The following GALK2 variants were observed in gnomAD, a reference collection of about 807,000 sequenced individuals.
The protein encoded by GALK2 is galactokinase 2.
In GALK2, 36 loss-of-function variants were observed where a neutral mutation model predicts 52.4. That is an observed-to-expected ratio of 0.69 (90% CI 0.53 to 0.91). The LOEUF (loss-of-function observed/expected upper bound fraction) is 0.91. Among genes scored for constraint, GALK2 ranks in the 40% least tolerant of loss-of-function variants. The pLI is 0.00. For missense variants in GALK2, 579 were observed against 559.1 expected (o/e 1.04, Z -0.36); for synonymous variants, 176 against 199.1 (o/e 0.88, Z 0.98).
intron 5 of GALK2, among the ~76,000 whole-genome samples, chr15:49,250,831 T>G (rs1284738937): frequency 1.3e-5 from 2 of 152,148 alleles, no homozygotes; most frequent in African/African-American, 4.8e-5. Flanking sequence ...GATTTTATAC[T>G]CTTTGTCAAA....
Position 49,213,311 on chromosome 15 carries a change from C to T in GALK2, c.143-3879C>T, listed in dbSNP as rs989705521. 3.9e-5 allele frequency among the ~76,000 whole-genome samples: 6 copies of T among 152,128 alleles called. No homozygotes were observed. The East Asian group carries it at 7.7e-4, about 20-fold the overall frequency. On this transcript the variant is annotated intron_variant, in intron 2 of 9. Transcript: ENST00000560031. ...ATTTATGCATAACTACTCTTGCTCT[C>T]GTTTGGTTTTCATTTGTATGGAGTA...
chr15:49,158,498 T>C (rs1028610615), intron 1 of GALK2, among the ~76,000 whole-genome samples: 9 of 152,244 alleles, frequency 5.9e-5, no homozygotes, highest in Non-Finnish European at 1.2e-4. Context: ...TTTGTCATAA[T>C]GGTAACTAGT....
At chr15:49,366,550 A>C in intron 3 of GALK2, 1 of 1,585,450 alleles carries the variant, frequency 6.3e-7, no homozygotes. Context: ...AATGGGGGTT[A>C]TAAAGCATGC....
In GALK2 at chr15:49,367,626, TAATC is replaced by T. The variant is rs747595528; in HGVS notation, c.*93_*96del. On this transcript the variant is annotated 3_prime_UTR_variant, in exon 4 of 4. Transcript: ENST00000558399. Reference sequence around the variant, plus strand: ...TAGTGCGACTGTAAGAGGAAGAAAATAATCAAGACAACGATTACTTTTGTGTTTC... The same window carrying T: ...TAGTGCGACTGTAAGAGGAAGAAAATAAGACAACGATTACTTTTGTGTTTC... 3.9e-6 allele frequency: 6 copies of T among 1,531,936 alleles called. No individual in the cohort carries two copies. In the East Asian group the frequency reaches 7.6e-5, roughly 19 times the overall value. The allele number at this position is 1,531,936 out of a possible 1,614,324, so 94.9% of individuals were successfully genotyped here.
intron 2 of GALK2, among the ~76,000 whole-genome samples, chr15:49,214,392 G>A (rs142791823): frequency 2.8e-5 from 4 of 144,814 alleles, no homozygotes; most frequent in East Asian, 4.1e-4. Flanking sequence ...ATACAGTGGC[G>A]TGATCTCGGC....
chr15:49,250,076 T>C (rs1464447285), intron 5 of GALK2, among the ~76,000 whole-genome samples: 4 of 152,210 alleles, frequency 2.6e-5, no homozygotes, highest in Non-Finnish European at 4.4e-5. Context: ...CTCCTTTGTT[T>C]GGTGTACTCT....
chr15:49,217,691 G>T (rs554105009), intron 3 of GALK2, among the ~76,000 whole-genome samples: 1 of 152,120 alleles, frequency 6.6e-6, no homozygotes, highest in African/African-American at 2.4e-5. Context: ...TTATTATGCT[G>T]TATTATTATT....
In GALK2 at chr15:49,283,724, A is replaced by T; in HGVS notation, c.756+6A>T. On this transcript the variant is annotated splice_donor_region_variant and intron_variant, in intron 7 of 9. Coordinates refer to ENST00000560031, the MANE Select transcript of GALK2 (RefSeq NM_002044.4). Reference sequence around the variant, plus strand: ...AGTGTCGGCTGGCTGCGAAGGTATGAACTTGGCAGGCTAGTGAAACTTGAA... The same window carrying T: ...AGTGTCGGCTGGCTGCGAAGGTATGTACTTGGCAGGCTAGTGAAACTTGAA... The T allele has an allele frequency of 1.2e-6, 2 of 1,613,430 alleles. No homozygotes were observed. Among genetic ancestry groups the T allele is most frequent in the Non-Finnish European group, 1.7e-6 (2 of 1,179,674 alleles).
chr15:49,225,903 A>G (rs2090105605), intron 3 of GALK2, among the ~76,000 whole-genome samples: 1 of 152,244 alleles, frequency 6.6e-6, no homozygotes, highest in South Asian at 2.1e-4. Context: ...TAAAGCACCC[A>G]TACTGGGCAG....
chr15:49,169,762 A>G (rs2141166036), upstream of GALK2, among the ~76,000 whole-genome samples: 2 of 152,276 alleles, frequency 1.3e-5, no homozygotes, highest in Admixed American at 1.3e-4. Context: ...AATAAATGCA[A>G]ATCTATTTAA....
rs530641710 is a variant in GALK2 at position 49,366,556 on chromosome 15, C to A, written c.427-935C>A. ...GAGCTGACCAATGGGGGTTATAAAG[C>A]ATGCAGTAGTCCTTGGATGTGCCAT... On this transcript the variant is annotated intron_variant, in intron 3 of 3. Transcript: ENST00000558399. 6 of 1,591,276 alleles carry A rather than the reference C, an allele frequency of 3.8e-6. No homozygotes were observed. In the African/African-American group the frequency reaches 6.7e-5, roughly 18 times the overall value.
intron 3 of GALK2, among the ~76,000 whole-genome samples, chr15:49,340,331 C>T (rs1184038413): frequency 6.6e-6 from 1 of 152,058 alleles, no homozygotes; most frequent in Non-Finnish European, 1.5e-5. Context: ...ACGGTACAGT[C>T]CCTAATGGCT....
rs867509501 is a variant in GALK2 at position 49,356,129 on chromosome 15, T to C, written c.427-11362T>C. On this transcript the variant is annotated intron_variant, in intron 3 of 3. Coordinates refer to the GALK2 transcript ENST00000558399. ...AAGGAACAACCGGTACCAGCCGCTG[T>C]AAAATCATGCCAAAATGTAAAGACC... 1.5e-3 allele frequency among the ~76,000 whole-genome samples: 230 copies of C among 151,652 alleles called. 1 individual carries two copies. Among genetic ancestry groups the C allele is most frequent in the Middle Eastern group, 0.014 (4 of 286 alleles).
chr15:49,301,002 A>T (rs769817868), intron 8 of GALK2, among the ~76,000 whole-genome samples: 3 of 152,188 alleles, frequency 2.0e-5, no homozygotes, highest in Non-Finnish European at 4.4e-5. Flanking sequence ...TTTGTAAGGC[A>T]GGTCCGATGG....
At chr15:49,262,150 T>G (rs1205137879) in intron 5 of GALK2, among the ~76,000 whole-genome samples, 3 of 151,900 alleles carry the variant, frequency 2.0e-5, no homozygotes, top group Non-Finnish European at 2.9e-5. Flanking sequence ...ATGGTACCAG[T>G]TCCTCCTTGT....
intron 8 of GALK2, among the ~76,000 whole-genome samples, chr15:49,308,160 CT>C (rs1347549148): frequency 2.0e-5 from 3 of 152,124 alleles, no homozygotes; most frequent in African/African-American, 7.2e-5. Context: ...AGAGCACGGA[CT>C]TTTTATTATG....
At chr15:49,275,282 C>A (rs962775698) in intron 5 of GALK2, among the ~76,000 whole-genome samples, 3 of 152,158 alleles carry the variant, frequency 2.0e-5, no homozygotes, top group African/African-American at 7.2e-5. Context: ...TCATCCTGGG[C>A]AGCCTTCTGG....
At chr15:49,353,079 T>C (rs2413942) in intron 3 of GALK2, among the ~76,000 whole-genome samples, 42,190 of 152,082 alleles carry the variant, frequency 0.28, 6,374 homozygotes, top group East Asian at 0.43. Context: ...GGTGAGTTGA[T>C]GAAATGAGAA....
intron 8 of GALK2, among the ~76,000 whole-genome samples, chr15:49,303,872 T>C (rs1567041749): frequency 6.6e-6 from 1 of 152,238 alleles, no homozygotes; most frequent in Non-Finnish European, 1.5e-5. Flanking sequence ...GGAAAATGTA[T>C]AATTTCTAAA....
Sources: gnomAD v4.1 joint callset for allele counts (sites outside exome capture counted in the v4.1 genomes callset) on GRCh38, gnomAD v4.1.1 for gene constraint, MANE v1.5 for transcripts, NCBI Gene and HGNC (gene_info 2026-07-23, HGNC 2026-07-21) for gene names.